The following LGSN variants were observed in gnomAD, a reference collection of about 807,000 sequenced individuals.
LGSN encodes lengsin, lens protein with glutamine synthetase domain, also known as lengsin.
In LGSN, 21 loss-of-function variants were observed where a neutral mutation model predicts 19.5. The observed-to-expected ratio is 1.07, with a 90% confidence interval of 0.76 to 1.55. LGSN has a LOEUF of 1.55. Among genes scored for constraint, LGSN ranks in the 40% most tolerant of loss-of-function variants. The probability of loss-of-function intolerance (pLI) is 0.00; values close to 1 mark genes in which losing one functional copy is unlikely to be tolerated. For synonymous variants in LGSN, 257 were observed against 215.6 expected, an observed-to-expected ratio of 1.19 and a Z score of -1.68; for missense variants, 673 against 608.5, an observed-to-expected ratio of 1.11 and a Z score of -1.12.
At chr6:63,531,992 G>C in the LGSN span, among the ~76,000 whole-genome samples, 1 of 152,032 alleles carries the variant, frequency 6.6e-6, no homozygotes, top group Non-Finnish European at 1.5e-5. Flanking sequence ...GTAGAGACGG[G>C]GTTTCACCAT....
the LGSN span, among the ~76,000 whole-genome samples, chr6:63,483,800 TC>T: frequency 2.0e-5 from 3 of 152,024 alleles, no homozygotes; most frequent in Non-Finnish European, 4.4e-5. Flanking sequence ...TCTTCTTTTT[TC>T]CTTTTTTTCT....
the LGSN span, among the ~76,000 whole-genome samples, chr6:63,340,844 G>T: frequency 2.0e-5 from 3 of 150,718 alleles, no homozygotes; most frequent in African/African-American, 7.4e-5. Context: ...TGGTTTGTGT[G>T]TGTGTGTGTG....
At chr6:63,509,073 CT>C in the LGSN span, among the ~76,000 whole-genome samples, 39 of 143,462 alleles carry the variant, frequency 2.7e-4, no homozygotes, top group East Asian at 4.0e-4. Flanking sequence ...AAAAAATTTT[CT>C]TTTTTTTTTT....
At chr6:63,472,736 C>T in the LGSN span, among the ~76,000 whole-genome samples, 3 of 151,740 alleles carry the variant, frequency 2.0e-5, no homozygotes, top group Admixed American at 1.3e-4. Flanking sequence ...GACAGGAGAT[C>T]GAAACCATCC....
At chr6:63,544,678 T>C in the LGSN span, among the ~76,000 whole-genome samples, 1 of 152,182 alleles carries the variant, frequency 6.6e-6, no homozygotes, top group African/African-American at 2.4e-5. Flanking sequence ...TACAAGCCAA[T>C]TATACCAAGA....
At chr6:63,471,537 G>T in the LGSN span, among the ~76,000 whole-genome samples, 2 of 151,686 alleles carry the variant, frequency 1.3e-5, no homozygotes, top group South Asian at 4.2e-4. Context: ...ATGGTGGCAG[G>T]TGCCTGTAAT....
chr6:63,444,679 A>C, the LGSN span, among the ~76,000 whole-genome samples: 2 of 152,292 alleles, frequency 1.3e-5, no homozygotes, highest in South Asian at 2.1e-4. Flanking sequence ...TTCTTACTCT[A>C]ACATTCCACC....
At position 63,280,786 on chromosome 6, in the gene LGSN, C is replaced by A. The variant is rs373203545; in HGVS notation, c.765G>T (p.Glu255Asp). Reference sequence around the variant, plus strand: ...CAGGCCTGGTAGAGGAGGAAAAACTCTCGACATTGGCTCCAGTGTGATACA... The same window carrying A: ...CAGGCCTGGTAGAGGAGGAAAAACTATCGACATTGGCTCCAGTGTGATACA... ...DGLYHTGANV[E>D]SFSSSTRPGQ... The change falls in exon 4 of 4, where the codon GAG becomes GAT. Residue 255 changes from glutamate to aspartate, a missense_variant. Physicochemically the swap from Glu to Asp is conservative, Grantham distance 45 (BLOSUM62 2). Coordinates refer to ENST00000370657, the MANE Select transcript of LGSN (RefSeq NM_016571.3). The A allele has an allele frequency of 9.9e-6, 16 of 1,613,998 alleles. No homozygotes were observed. Among genetic ancestry groups the A allele is most frequent in the African/African-American group, 2.7e-5 (2 of 74,908 alleles).
At chr6:63,315,755 A>G (rs1046170816) in intron 1 of LGSN, among the ~76,000 whole-genome samples, 59 of 151,668 alleles carry the variant, frequency 3.9e-4, no homozygotes, top group African/African-American at 1.2e-3. Flanking sequence ...GACTGGCTTC[A>G]TAGCTAGAAC....
At chr6:63,414,459 G>A in the LGSN span, among the ~76,000 whole-genome samples, 1 of 152,030 alleles carries the variant, frequency 6.6e-6, no homozygotes, top group Non-Finnish European at 1.5e-5. Flanking sequence ...GTATTCTTTA[G>A]AAAAAAACCC....
At chr6:63,412,764 AAAGAAAGGAAG>A in the LGSN span, among the ~76,000 whole-genome samples, 186 of 32,730 alleles carry the variant, frequency 5.7e-3, 5 homozygotes, top group Admixed American at 0.01. Flanking sequence ...AGAAAGAAAG[AAAGAAAGGAAG>A]GAAGGGAAGG....
chr6:63,342,525 A>G, the LGSN span, among the ~76,000 whole-genome samples: 1 of 152,232 alleles, frequency 6.6e-6, no homozygotes, highest in Non-Finnish European at 1.5e-5. Flanking sequence ...GTTATACTTT[A>G]TGTCTATAAA....
At chr6:63,534,804 A>G in the LGSN span, among the ~76,000 whole-genome samples, 1 of 146,488 alleles carries the variant, frequency 6.8e-6, no homozygotes, top group African/African-American at 2.8e-5. Flanking sequence ...TTAGTAAAGA[A>G]TTTCATAAAG....
intron 2 of LGSN, among the ~76,000 whole-genome samples, chr6:63,286,964 A>G (rs920034005): frequency 3.9e-5 from 6 of 152,204 alleles, no homozygotes; most frequent in African/African-American, 1.4e-4. Flanking sequence ...GCCCAAGTAA[A>G]TGTTATCATG....
At chr6:63,303,545 G>T (rs368502506) in intron 1 of LGSN, among the ~76,000 whole-genome samples, 3 of 152,298 alleles carry the variant, frequency 2.0e-5, no homozygotes, top group East Asian at 3.9e-4. Context: ...ATCAAAACAT[G>T]AGTTGACCAT....
In LGSN at chr6:63,280,218, T is replaced by C. The variant is rs751060903; in HGVS notation, c.1333A>G (p.Thr445Ala). 6.2e-7 allele frequency: 1 copy of C among 1,614,222 alleles called. No individual in the cohort carries two copies. Among genetic ancestry groups the C allele is most frequent in the African/African-American group, 1.3e-5 (1 of 75,068 alleles). The part of the protein sequence containing the change: ...NEVLAGPDES[T>A]DFYQVEPSEI... ...GAAGGTTCCACTTGGTAAAAGTCTG[T>C]GCTCTCATCTGGACCAGCCAAGACC... Residue 445 changes from threonine to alanine, a missense_variant, in exon 4 of 4, where the codon ACA becomes GCA. Coordinates refer to ENST00000370657, the MANE Select transcript of LGSN (RefSeq NM_016571.3).
At chr6:63,425,874 T>C in the LGSN span, among the ~76,000 whole-genome samples, 3 of 152,150 alleles carry the variant, frequency 2.0e-5, no homozygotes, top group Non-Finnish European at 4.4e-5. Context: ...ATCTCAGTTG[T>C]ATTATATAAA....
At chr6:63,442,271 G>C in the LGSN span, among the ~76,000 whole-genome samples, 1 of 152,216 alleles carries the variant, frequency 6.6e-6, no homozygotes, top group African/African-American at 2.4e-5. Context: ...GACCCAAAGA[G>C]TGAGCAGCAG....
chr6:63,456,521 C>T, the LGSN span, among the ~76,000 whole-genome samples: 3 of 150,988 alleles, frequency 2.0e-5, no homozygotes, highest in Admixed American at 6.6e-5. Context: ...ACCACACAAA[C>T]GATCTTCTTG....
Sources: allele counts gnomAD v4.1 joint callset (sites outside exome capture counted in the v4.1 genomes callset), GRCh38; gene constraint gnomAD v4.1.1; transcripts MANE v1.5; gene names NCBI Gene and HGNC (gene_info 2026-07-23, HGNC 2026-07-21).